KSR2: variants seen among roughly 807,000 people sequenced by gnomAD.
KSR2 encodes the protein kinase suppressor of ras 2.
A neutral mutation model predicts 107.8 loss-of-function variants in KSR2; 25 were observed. The observed-to-expected ratio is 0.23, with a 90% confidence interval of 0.17 to 0.32. The LOEUF (loss-of-function observed/expected upper bound fraction) is 0.32, where lower values mean the gene tolerates loss of function less well. Among genes scored for constraint, KSR2 ranks in the 10% least tolerant of loss-of-function variants. The pLI is 1.00. For synonymous variants in KSR2, 480 were observed against 507.0 expected, an observed-to-expected ratio of 0.95 and a Z score of 0.71; for missense variants, 887 against 1,268.9, an observed-to-expected ratio of 0.70 and a Z score of 4.57.
rs147655456 is a variant in KSR2, at chr12:117,736,406, C to G, written c.986+24605G>C. ...GCCTGCCCCATCCATCTCTGAACTCCCAGTGCCTGGCCCATAATAAGGACC... is the reference window on the plus strand; with the variant it reads ...GCCTGCCCCATCCATCTCTGAACTCGCAGTGCCTGGCCCATAATAAGGACC... On this transcript the variant is annotated intron_variant, in intron 4 of 19. Coordinates refer to ENST00000339824, the MANE Select transcript of KSR2 (RefSeq NM_173598.6). 2.0e-5 allele frequency among the ~76,000 whole-genome samples: 3 copies of G among 152,176 alleles called. No homozygotes were observed. In the East Asian group the frequency reaches 5.8e-4, roughly 29 times the overall value.
At chr12:117,922,798 G>A (rs1291102679) in intron 1 of KSR2, among the ~76,000 whole-genome samples, 1 of 152,194 alleles carries the variant, frequency 6.6e-6, no homozygotes, top group Admixed American at 6.5e-5. Flanking sequence ...CAATTGAGTG[G>A]AGAATGGAGA....
intron 3 of KSR2, among the ~76,000 whole-genome samples, chr12:117,844,358 T>A (rs1892617426): frequency 6.6e-6 from 1 of 152,114 alleles, no homozygotes; most frequent in East Asian, 1.9e-4. Flanking sequence ...CAGGGAATTA[T>A]GATGATGAAA....
At chr12:117,587,282 G>A (rs746774629) in intron 5 of KSR2, among the ~76,000 whole-genome samples, 62 of 152,296 alleles carry the variant, frequency 4.1e-4, no homozygotes, top group Middle Eastern at 3.4e-3. Flanking sequence ...TGGATTACGC[G>A]GGTGGAACTA....
At chr12:117,764,242 ATT>A (rs575749615) in intron 3 of KSR2, among the ~76,000 whole-genome samples, 2 of 144,936 alleles carry the variant, frequency 1.4e-5, no homozygotes, top group Admixed American at 6.9e-5. Flanking sequence ...TTTGGGGCGG[ATT>A]TTTTTTTTTT....
chr12:117,848,834 A>AACAACGGTGATG (rs1555249461), intron 3 of KSR2, among the ~76,000 whole-genome samples: 73 of 133,808 alleles, frequency 5.5e-4, no homozygotes, highest in South Asian at 9.2e-4. Context: ...TGATGGTGGT[A>AACAACGGTGATG]GTGGTGGTGA....
intron 1 of KSR2, among the ~76,000 whole-genome samples, chr12:117,882,142 G>C (rs555203920): frequency 2.6e-5 from 4 of 152,220 alleles, no homozygotes; most frequent in Non-Finnish European, 5.9e-5. Flanking sequence ...TCAGAGTCCA[G>C]TGGAGCAGAC....
intron 9 of KSR2, among the ~76,000 whole-genome samples, chr12:117,546,418 A>G (rs1876869970): frequency 6.6e-6 from 1 of 152,144 alleles, no homozygotes; most frequent in Non-Finnish European, 1.5e-5. Context: ...AGTTTTCAGA[A>G]GTTTGACATG....
intron 13 of KSR2, among the ~76,000 whole-genome samples, chr12:117,526,222 G>A (rs1035759207): frequency 1.3e-5 from 2 of 152,312 alleles, no homozygotes; most frequent in Non-Finnish European, 2.9e-5. Flanking sequence ...GTACTTCGGC[G>A]TAACTACCAC....
intron 17 of KSR2, among the ~76,000 whole-genome samples, chr12:117,474,501 T>C (rs1049640585): frequency 3.0e-4 from 34 of 114,384 alleles, no homozygotes; most frequent in African/African-American, 1.1e-3. Context: ...TGGTGCTAAG[T>C]CTAATTGCAC....
chr12:117,733,583 A>C (rs1887816201), intron 4 of KSR2, among the ~76,000 whole-genome samples: 1 of 152,190 alleles, frequency 6.6e-6, no homozygotes, highest in Non-Finnish European at 1.5e-5. Context: ...AACAGGGACC[A>C]TATGGCTGCC....
At chr12:117,846,809 C>T (rs1284481374) in intron 3 of KSR2, among the ~76,000 whole-genome samples, 1 of 152,208 alleles carries the variant, frequency 6.6e-6, no homozygotes, top group East Asian at 1.9e-4. Context: ...ATAAGTTTAC[C>T]TGGTCACACG....
At chr12:117,892,656 T>A (rs1302369505) in intron 1 of KSR2, among the ~76,000 whole-genome samples, 1 of 152,104 alleles carries the variant, frequency 6.6e-6, no homozygotes, top group Non-Finnish European at 1.5e-5. Flanking sequence ...TGTATATATA[T>A]CATCTGTGGC....
intron 5 of KSR2, among the ~76,000 whole-genome samples, chr12:117,635,794 C>CTT (rs780731850): frequency 4.8e-4 from 67 of 140,692 alleles, no homozygotes; most frequent in African/African-American, 1.1e-3. Context: ...TGGTATGTTA[C>CTT]TTTTTTTTTT....
rs16948009 is a variant in KSR2 at position 117,854,778 on chromosome 12, G to T, written c.472+650C>A. On this transcript the variant is annotated intron_variant, in intron 3 of 19. Transcript: ENST00000339824. ...GATGTTCTGCTAATAAAGACAAACAGGTATCTGAGCAATTAATGGAAAAGA... is the reference window on the plus strand; with the variant it reads ...GATGTTCTGCTAATAAAGACAAACATGTATCTGAGCAATTAATGGAAAAGA... Among the ~76,000 whole-genome samples the T allele has an allele frequency of 4.1e-3, 620 of 151,992 alleles. 3 individuals carry two copies. Among genetic ancestry groups the T allele is most frequent in the African/African-American group, 0.014 (583 of 41,454 alleles).
intron 1 of KSR2, among the ~76,000 whole-genome samples, chr12:117,930,772 G>C (rs998378323): frequency 6.6e-6 from 1 of 152,104 alleles, no homozygotes; most frequent in Non-Finnish European, 1.5e-5. Flanking sequence ...AAATTAGCCA[G>C]ACGTGGTGGC....
At chr12:117,909,600 A>G (rs1894955436) in intron 1 of KSR2, among the ~76,000 whole-genome samples, 1 of 152,132 alleles carries the variant, frequency 6.6e-6, no homozygotes, top group African/African-American at 2.4e-5. Flanking sequence ...TTCTTTTTCA[A>G]TTACATCAAG....
chr12:117,759,045 A>C (rs1373712629), intron 4 of KSR2, among the ~76,000 whole-genome samples: 1 of 152,196 alleles, frequency 6.6e-6, no homozygotes, highest in Non-Finnish European at 1.5e-5. Flanking sequence ...CAATCAGAAA[A>C]GCATCTATCC....
In KSR2 at chr12:117,471,207, A is replaced by G; in HGVS notation, c.2696T>C (p.Met899Thr). 3 of 1,613,896 alleles carry G rather than the reference A, an allele frequency of 1.9e-6. No homozygotes were observed. Among genetic ancestry groups the G allele is most frequent in the South Asian group, 1.1e-5 (1 of 91,056 alleles). Residue 899 changes from methionine to threonine, a missense_variant, in exon 18 of 20, where the codon ATG becomes ACG. This residue lies in a region of KSR2 where 308 missense variants were observed against 506.2 expected (regional missense o/e 0.61). Transcript: ENST00000339824. ...GGGACTTACCGAGATTTCTTTTCCC[A>G]TGCCAATCTGGCTGAGGTTGGGTTT... is the stretch of plus-strand genomic sequence containing the variant. ...GMKPNLSQIG[M>T]GKEISDILLF...
chr12:117,691,631 G>A (rs1358534744), intron 4 of KSR2, among the ~76,000 whole-genome samples: 2 of 152,338 alleles, frequency 1.3e-5, no homozygotes, highest in East Asian at 3.9e-4. Flanking sequence ...CCTGCCTCCA[G>A]TTCTCCATGG....
Sources: gnomAD v4.1 joint callset for allele counts (sites outside exome capture counted in the v4.1 genomes callset) on GRCh38, gnomAD v4.1.1 for gene constraint, gnomAD v4.1.1 regional missense constraint, MANE v1.5 for transcripts, NCBI Gene and HGNC (gene_info 2026-07-23, HGNC 2026-07-21) for gene names.